Variants in OR2T35 observed in about 807,000 individuals in gnomAD.
OR2T35 encodes olfactory receptor family 2 subfamily T member 35 (gene/pseudogene).
For missense variants in OR2T35, 47 were observed against 278.8 expected (o/e 0.17, Z 5.92); for synonymous variants, 18 against 110.2 (o/e 0.16, Z 5.24).
chr1:248,640,742 TTA>T (rs1361788971), intron 1 of OR2T35, among the ~76,000 whole-genome samples: 2 of 514 alleles, frequency 3.9e-3, no homozygotes, highest in African/African-American at 4.7e-3. Context: ...GAATTTTTCT[TTA>T]TTAGATTATG....
chr1:248,640,557 CTT>C (rs1160911966), intron 1 of OR2T35, among the ~76,000 whole-genome samples: 1 of 14,752 alleles, frequency 6.8e-5, no homozygotes, highest in African/African-American at 8.4e-5. Flanking sequence ...AAGAGTAAGA[CTT>C]TGTCTCAAAA....
rs1327338717 is a variant in OR2T35 at position 248,638,795 on chromosome 1, T to TC, written c.463dup (p.Asp155GlyfsTer16). ...AGTGACAGGAGTCAGCATGAACCCA[T>TC]CCAAGGAACCACCAACCCAGGAGCC... On this transcript the variant is annotated frameshift_variant, in exon 2 of 2. Transcript: ENST00000641268. LOFTEE classifies it low-confidence loss of function (END_TRUNC). 1.4e-5 allele frequency: 16 copies of TC among 1,115,094 alleles called. No homozygotes were observed. Among genetic ancestry groups the TC allele is most frequent in the East Asian group, 2.5e-5 (1 of 40,134 alleles). 69.1% of individuals were successfully genotyped at this position (1,115,094 alleles called of 1,614,324 possible).
intron 1 of OR2T35, among the ~76,000 whole-genome samples, chr1:248,639,543 T>TAC (rs1441790325): frequency 3.4e-5 from 5 of 145,264 alleles, no homozygotes; most frequent in Non-Finnish European, 7.7e-5. Flanking sequence ...ATTCATACAG[T>TAC]ACCTGGTTTA....
chr1:248,642,230 AAAAAAGAAAAAG>A (rs1426584761), intron 1 of OR2T35, among the ~76,000 whole-genome samples: 3 of 52,652 alleles, frequency 5.7e-5, no homozygotes, highest in Admixed American at 3.4e-4. Flanking sequence ...AAAAAAAAAA[AAAAAAGAAAAAG>A]AAAAAGAAAA....
chr1:248,645,064 A>C (rs1660842770), intron 1 of OR2T35, among the ~76,000 whole-genome samples, 183 bp downstream of exon 1: 1 of 128,784 alleles, frequency 7.8e-6, no homozygotes, highest in South Asian at 2.5e-4. Flanking sequence ...CCCAACTGAC[A>C]ATTTGGAAAT....
At chr1:248,643,011 GT>G (rs1350816834) in intron 1 of OR2T35, among the ~76,000 whole-genome samples, 1 of 129,416 alleles carries the variant, frequency 7.7e-6, no homozygotes, top group Non-Finnish European at 1.7e-5. Context: ...ACATAGTTAA[GT>G]TTGATTAATG....
intron 1 of OR2T35, among the ~76,000 whole-genome samples, chr1:248,642,092 G>A (rs1234488938): frequency 1.1e-5 from 1 of 89,350 alleles, no homozygotes; most frequent in South Asian, 3.7e-4. Context: ...GCATTACGAC[G>A]TGTGGTTTGA....
chr1:248,642,217 A>C (rs1448154076), intron 1 of OR2T35, among the ~76,000 whole-genome samples: 2 of 24,236 alleles, frequency 8.3e-5, no homozygotes, highest in Non-Finnish European at 1.3e-4. Flanking sequence ...TAGTCTTTCC[A>C]AAAAAAAAAA....
chr1:248,641,770 T>A (rs1660787143), intron 1 of OR2T35, among the ~76,000 whole-genome samples: 1 of 82,480 alleles, frequency 1.2e-5, no homozygotes, highest in Non-Finnish European at 3.4e-5. Context: ...TGTTCATATG[T>A]GAGTGTGTGA....
At chr1:248,642,216 C>CCAAAA (rs1660793286) in intron 1 of OR2T35, among the ~76,000 whole-genome samples, 1 of 53,660 alleles carries the variant, frequency 1.9e-5, no homozygotes, top group African/African-American at 4.0e-5. Flanking sequence ...CTAGTCTTTC[C>CCAAAA]AAAAAAAAAA....
At position 248,645,002 on chromosome 1, in the gene OR2T35, T is replaced by A. The variant is rs1374769669; in HGVS notation, c.-23+245A>T. On this transcript the variant is annotated intron_variant, in intron 1 of 1. Coordinates refer to ENST00000641268, the MANE Select transcript of OR2T35 (RefSeq NM_001001827.2). ...TTACCACCCCCCTTTATCTGCCTAT[T>A]TAAATGGTAACTGTTTTCATTCGTG... Among the ~76,000 whole-genome samples, 45 of 40,240 alleles carry A rather than the reference T, an allele frequency of 1.1e-3. 2 individuals are homozygous for A. The Middle Eastern group carries it at 0.045, about 41-fold the overall frequency. The allele number at this position is 40,240 out of a possible 152,430, so 26.4% of individuals were successfully genotyped here.
Position 248,638,109 on chromosome 1 carries a change from C to CG in OR2T35, c.*177_*178insC. ...TTGAATTGCTGAAAGTGACACTGAACATTCTTCAGAACCAATACCATATTT... is the reference window on the plus strand; with the variant it reads ...TTGAATTGCTGAAAGTGACACTGAACGATTCTTCAGAACCAATACCATATTT... On this transcript the variant is annotated 3_prime_UTR_variant, in exon 2 of 2. Coordinates refer to ENST00000641268, the MANE Select transcript of OR2T35 (RefSeq NM_001001827.2). 2.7e-6 allele frequency: 1 copy of CG among 365,998 alleles called. No homozygotes were observed. The highest frequency in any genetic ancestry group is 5.4e-6 in the Non-Finnish European group (1 of 184,074). 22.7% of individuals were successfully genotyped at this position (365,998 alleles called of 1,614,324 possible).
In OR2T35 at chr1:248,644,793, T is replaced by C. The variant is rs952000561; in HGVS notation, c.-23+454A>G. ...AGTGGGCTTTGGCCAGGAACTCCTT[T>C]TCTTCTTCTACCTACACAAGCTACT... On this transcript the variant is annotated intron_variant, in intron 1 of 1. Coordinates refer to ENST00000641268, the MANE Select transcript of OR2T35 (RefSeq NM_001001827.2). 1.4e-5 allele frequency among the ~76,000 whole-genome samples: 2 copies of C among 140,000 alleles called. 1 individual carries two copies. The highest frequency in any genetic ancestry group is 3.1e-5 in the Non-Finnish European group (2 of 63,544). The allele number at this position is 140,000 out of a possible 152,430, so 91.8% of individuals were successfully genotyped here.
In OR2T35 at chr1:248,638,946, G is replaced by GGTA. The variant is rs1558176683; in HGVS notation, c.310_312dup (p.Tyr104dup). On this transcript the variant is annotated inframe_insertion, in exon 2 of 2. Transcript: ENST00000641268. The stretch of plus-strand genomic sequence containing the variant: ...AAGAATTCCCCTCCAATCAGGGTCA[G>GGTA]GTAGAAGATTTGAACTGCACAGCCC... The GGTA allele has an allele frequency of 6.2e-5, 3 of 48,496 alleles. 1 individual carries two copies. Among genetic ancestry groups the GGTA allele is most frequent in the Non-Finnish European group, 9.4e-5 (2 of 21,270 alleles). 3.0% of individuals were successfully genotyped at this position (48,496 alleles called of 1,614,324 possible).
chr1:248,644,158 A>G (rs1660824927), intron 1 of OR2T35, among the ~76,000 whole-genome samples: 1 of 120,280 alleles, frequency 8.3e-6, no homozygotes, highest in African/African-American at 3.0e-5. Flanking sequence ...TTTTTTACAC[A>G]TGGTAGATAG....
chr1:248,638,593 G>A lies in OR2T35; in HGVS notation c.666C>T (p.Leu222=). The change falls in exon 2 of 2, where the codon CTC becomes CTT. Residue 222 remains leucine, a synonymous_variant. Transcript: ENST00000641268. ...CAGAGTTCATCCTGTGGACAGTCAG[G>A]AGGATGTGCGTGTAGGACACAGAGA... ...SVISVSYTHI[L]LTVHRMNSAE... 1 of 1,574,512 alleles carries A rather than the reference G, an allele frequency of 6.4e-7. No individual in the cohort carries two copies. The highest frequency in any genetic ancestry group is 8.6e-7 in the Non-Finnish European group (1 of 1,158,684).
Position 248,638,156 on chromosome 1 carries a change from G to A in OR2T35, c.*131C>T. 3.4e-6 allele frequency: 2 copies of A among 580,084 alleles called. No individual in the cohort carries two copies. Among genetic ancestry groups the A allele is most frequent in the Non-Finnish European group, 6.0e-6 (2 of 333,208 alleles). The allele number at this position is 580,084 out of a possible 1,614,324, so 35.9% of individuals were successfully genotyped here. ...ATTTTCTGTAATAGCTGCGTTATTG[G>A]CCGCAGCACCGCAGATGTTTGCACT... On this transcript the variant is annotated 3_prime_UTR_variant, in exon 2 of 2. Transcript: ENST00000641268.
rs1342775238 is a variant in OR2T35 at position 248,636,357 on chromosome 1, T to TA, written c.*1929dup. 4.4e-5 allele frequency: 3 copies of TA among 68,376 alleles called. No homozygotes were observed. The highest frequency in any genetic ancestry group is 1.8e-4 in the Admixed American group (1 of 5,588). The allele number at this position is 68,376 out of a possible 1,614,324, so 4.2% of individuals were successfully genotyped here. The stretch of plus-strand genomic sequence containing the variant: ...CTTGGAAACATAAGAATAAAAGTCC[T>TA]AATTTTTAATACATAGCAACTGAGG... On this transcript the variant is annotated 3_prime_UTR_variant, in exon 2 of 2. Transcript: ENST00000641268.
At chr1:248,644,197 A>G (rs1228941995) in intron 1 of OR2T35, among the ~76,000 whole-genome samples, 2 of 118,932 alleles carry the variant, frequency 1.7e-5, no homozygotes, top group Non-Finnish European at 3.6e-5. Flanking sequence ...GTTAACTAAA[A>G]CTATGGAAAT....
Sources: gnomAD v4.1 joint callset for allele counts (sites outside exome capture counted in the v4.1 genomes callset) on GRCh38, gnomAD v4.1.1 for gene constraint, MANE v1.5 for transcripts, NCBI Gene and HGNC (gene_info 2026-07-23, HGNC 2026-07-21) for gene names.